The following TEX2 variants were observed in gnomAD, a reference collection of about 807,000 sequenced individuals.
TEX2 encodes testis-expressed protein 2.
Under a neutral mutation model 106.9 loss-of-function variants are expected in TEX2, and 53 were observed. That is an observed-to-expected ratio of 0.50 (90% CI 0.40 to 0.62). TEX2 has a LOEUF of 0.62. Ranked by LOEUF, TEX2 falls within the 20% of genes least tolerant of loss-of-function variation. The probability of loss-of-function intolerance (pLI) is 0.00; values close to 1 mark genes in which losing one functional copy is unlikely to be tolerated. For synonymous variants in TEX2, 523 were observed against 534.8 expected (o/e 0.98, Z 0.30); for missense variants, 1,207 against 1,379.0 (o/e 0.88, Z 1.98).
At chr17:64,243,304 A>G (rs1219740869) in intron 1 of TEX2, among the ~76,000 whole-genome samples, 1 of 152,250 alleles carries the variant, frequency 6.6e-6, no homozygotes, top group Non-Finnish European at 1.5e-5. Flanking sequence ...TCAAAGGTTA[A>G]ACCCATCTTT....
At chr17:64,199,114 C>T (rs1383700548) in intron 2 of TEX2, among the ~76,000 whole-genome samples, 1 of 152,176 alleles carries the variant, frequency 6.6e-6, no homozygotes, top group African/African-American at 2.4e-5. Flanking sequence ...TTGTTTCTCT[C>T]CAATTGCTTT....
chr17:64,184,632 T>A (rs192196586), intron 5 of TEX2, among the ~76,000 whole-genome samples: 381 of 152,370 alleles, frequency 2.5e-3, no homozygotes, highest in Non-Finnish European at 4.1e-3. Flanking sequence ...TTTTCTTTGG[T>A]TGCTTATGCT....
At chr17:64,197,190 A>G (rs555567172) in intron 2 of TEX2, among the ~76,000 whole-genome samples, 181 of 152,022 alleles carry the variant, frequency 1.2e-3, no homozygotes, top group South Asian at 3.3e-3. Context: ...GTTTGTGTAG[A>G]ATTAATAATA....
chr17:64,241,508 T>C (rs1555635780), intron 1 of TEX2, among the ~76,000 whole-genome samples: 1 of 152,242 alleles, frequency 6.6e-6, no homozygotes, highest in Non-Finnish European at 1.5e-5. Flanking sequence ...TAATTGTTAC[T>C]CCTAAAATTT....
chr17:64,170,406 G>A (rs1251828806), intron 7 of TEX2, among the ~76,000 whole-genome samples: 10 of 152,132 alleles, frequency 6.6e-5, no homozygotes, highest in Admixed American at 6.5e-4. Context: ...GCAGCTCCTG[G>A]CAAGCGGCTA....
At chr17:64,171,910 G>A (rs1290183188) in intron 6 of TEX2, among the ~76,000 whole-genome samples, 1 of 151,802 alleles carries the variant, frequency 6.6e-6, no homozygotes, top group Non-Finnish European at 1.5e-5. Flanking sequence ...GAACCTGGGG[G>A]CAGAGGTTGC....
chr17:64,170,620 A>ATTT (rs1438812052), intron 7 of TEX2, among the ~76,000 whole-genome samples: 1 of 56,546 alleles, frequency 1.8e-5, no homozygotes, highest in African/African-American at 6.4e-5. Context: ...TCTATTCCAA[A>ATTT]TCTTTTTTTT....
chr17:64,166,666 C>T (rs1254590759), intron 7 of TEX2, among the ~76,000 whole-genome samples: 1 of 152,208 alleles, frequency 6.6e-6, no homozygotes, highest in Non-Finnish European at 1.5e-5. Flanking sequence ...CAAAAATGTA[C>T]TAAAAAGGTA....
In TEX2 at chr17:64,239,479, C is replaced by G. The variant is rs1413947168; in HGVS notation, c.-26+23689G>C. ...CCTGGAAAATACAAATGTTTGTTTTCTGTCAAATGCTTACTGCATGTTTCC... is the reference window on the plus strand; with the variant it reads ...CCTGGAAAATACAAATGTTTGTTTTGTGTCAAATGCTTACTGCATGTTTCC... On this transcript the variant is annotated intron_variant, in intron 1 of 11. Coordinates refer to ENST00000584379, the MANE Select transcript of TEX2 (RefSeq NM_001288732.2). Among the ~76,000 whole-genome samples the G allele has an allele frequency of 2.0e-5, 3 of 152,184 alleles. No homozygotes were observed. The East Asian group carries it at 5.8e-4, about 29-fold the overall frequency.
intron 8 of TEX2, among the ~76,000 whole-genome samples, chr17:64,157,009 C>G (rs2030661677): frequency 6.6e-6 from 1 of 152,174 alleles, no homozygotes; most frequent in Admixed American, 6.5e-5. Context: ...TAATGCTGTA[C>G]CAGTTCAAGC....
chr17:64,155,069 C>T lies in TEX2; in HGVS notation c.2805-102G>A, dbSNP rs976727660. The T allele has an allele frequency of 3.0e-5, 40 of 1,328,180 alleles. 1 individual carries two copies. Among genetic ancestry groups the T allele is most frequent in the Middle Eastern group, 5.6e-4 (2 of 3,566 alleles). The allele number at this position is 1,328,180 out of a possible 1,614,324, so 82.3% of individuals were successfully genotyped here. On this transcript the variant is annotated intron_variant, in intron 8 of 11. Transcript: ENST00000584379. ...CACACACACTCAACCACAACAGGGT[C>T]GGGATGTAACTGTTAACTACATCTC...
chr17:64,189,765 T>G (rs1238458543), intron 4 of TEX2, among the ~76,000 whole-genome samples: 1 of 152,056 alleles, frequency 6.6e-6, no homozygotes, highest in Admixed American at 6.6e-5. Flanking sequence ...ATGAATCACT[T>G]CAGGTCAGGA....
chr17:64,188,264 G>A lies in TEX2; in HGVS notation c.2328C>T (p.Tyr776=). ...GSVRQKMLLD[Y]SVYMGRCVPQ... is the part of the protein sequence containing the mutation. Reference sequence around the variant, plus strand: ...GGACACACCTGCCCATGTACACGCTGTAGTCGAGAAGCATCTTCTGCCGCA... The same window carrying A: ...GGACACACCTGCCCATGTACACGCTATAGTCGAGAAGCATCTTCTGCCGCA... Residue 776 remains tyrosine, a synonymous_variant, in exon 5 of 12, where the codon TAC becomes TAT. Transcript: ENST00000584379. The A allele has an allele frequency of 1.2e-6, 2 of 1,614,054 alleles. No individual in the cohort carries two copies. Among genetic ancestry groups the A allele is most frequent in the Non-Finnish European group, 1.7e-6 (2 of 1,180,044 alleles).
At chr17:64,262,374 T>C (rs1211873228) in intron 1 of TEX2, among the ~76,000 whole-genome samples, 4 of 152,112 alleles carry the variant, frequency 2.6e-5, no homozygotes, top group Admixed American at 1.3e-4. Context: ...ATCAACCCAC[T>C]GAGGGGCTAA....
intron 5 of TEX2, among the ~76,000 whole-genome samples, chr17:64,179,044 G>C (rs2031730200): frequency 6.6e-6 from 1 of 152,264 alleles, no homozygotes; most frequent in African/African-American, 2.4e-5. Context: ...GCCTGAGCCA[G>C]CACACTGCTC....
chr17:64,250,506 T>C (rs1555636821), intron 1 of TEX2, among the ~76,000 whole-genome samples: 1 of 152,186 alleles, frequency 6.6e-6, no homozygotes, highest in Non-Finnish European at 1.5e-5. Flanking sequence ...ATCAGCAAGG[T>C]AGGGTTAGAG....
At chr17:64,233,257 A>G (rs1411817348) in intron 1 of TEX2, among the ~76,000 whole-genome samples, 1 of 152,166 alleles carries the variant, frequency 6.6e-6, no homozygotes, top group Non-Finnish European at 1.5e-5. Flanking sequence ...AACTTGGACC[A>G]TTAGGAATGC....
chr17:64,168,487 T>C (rs1598131398), intron 7 of TEX2, among the ~76,000 whole-genome samples: 1 of 152,336 alleles, frequency 6.6e-6, no homozygotes. Context: ...TATCTCACCA[T>C]AGCTCCTGCT....
chr17:64,231,604 T>C (rs1254519309), intron 1 of TEX2, among the ~76,000 whole-genome samples: 1 of 152,232 alleles, frequency 6.6e-6, no homozygotes, highest in Non-Finnish European at 1.5e-5. Flanking sequence ...TATTAATAGA[T>C]GTGTTTGTCA....
Sources: gnomAD v4.1 joint callset for allele counts (sites outside exome capture counted in the v4.1 genomes callset) on GRCh38, gnomAD v4.1.1 for gene constraint, MANE v1.5 for transcripts, NCBI Gene and HGNC (gene_info 2026-07-23, HGNC 2026-07-21) for gene names.